TMEM266: variants seen among roughly 807,000 people sequenced by gnomAD.
The protein encoded by TMEM266 is transmembrane protein 266, also known as Hv1 related protein 1.
In TMEM266, 33 loss-of-function variants were observed where a neutral mutation model predicts 50.5. The observed-to-expected ratio is 0.65, with a 90% CI of 0.50 to 0.87. TMEM266 has a LOEUF of 0.87. Among genes scored for constraint, TMEM266 ranks in the 40% least tolerant of loss-of-function variants. The pLI, the probability that TMEM266 is intolerant of heterozygous loss-of-function variation, is 0.00. For synonymous variants in TMEM266, 310 were observed against 292.3 expected (o/e 1.06, Z -0.62); for missense variants, 655 against 695.1 (o/e 0.94, Z 0.65).
chr15:76,198,758 C>T (rs1054963014), intron 9 of TMEM266, among the ~76,000 whole-genome samples: 6 of 145,542 alleles, frequency 4.1e-5, no homozygotes, highest in African/African-American at 1.5e-4. Flanking sequence ...GAAGACAGAA[C>T]CGCAGCCCAA....
chr15:76,096,275 C>T (rs1380847487), intron 1 of TMEM266, among the ~76,000 whole-genome samples: 4 of 152,050 alleles, frequency 2.6e-5, no homozygotes, highest in African/African-American at 9.7e-5. Flanking sequence ...CTGCACAGTG[C>T]TTTAAATGTA....
chr15:76,076,876 A>G (rs111656412), intron 1 of TMEM266, among the ~76,000 whole-genome samples: 2 of 152,212 alleles, frequency 1.3e-5, no homozygotes, highest in Non-Finnish European at 2.9e-5. Context: ...GCCAGAAGTA[A>G]TTCCTTTTCA....
Position 76,192,418 on chromosome 15 carries a change from G to A in TMEM266, c.958+261G>A, listed in dbSNP as rs535006435. The stretch of plus-strand genomic sequence containing the variant: ...TTCATGCCTGTGGCCACTGGCGTGC[G>A]TTGTGTGTGGTGTCTTCCCTGTCCT... On this transcript the variant is annotated intron_variant, in intron 9 of 10. Transcript: ENST00000388942. Among the ~76,000 whole-genome samples, 9 of 152,334 alleles carry A rather than the reference G, an allele frequency of 5.9e-5. No homozygotes were observed. In the South Asian group the frequency reaches 1.9e-3, roughly 32 times the overall value.
At chr15:76,094,053 C>G (rs930626697) in intron 1 of TMEM266, among the ~76,000 whole-genome samples, 1 of 151,992 alleles carries the variant, frequency 6.6e-6, no homozygotes, top group African/African-American at 2.4e-5. Context: ...AATTTTCTCC[C>G]ATTCTGTAGG....
intron 1 of TMEM266, among the ~76,000 whole-genome samples, chr15:76,103,979 G>A (rs1236044588): frequency 1.4e-5 from 2 of 144,764 alleles, no homozygotes; most frequent in African/African-American, 5.0e-5. Flanking sequence ...AGGCCAAGGC[G>A]GGCAGATCAC....
intron 1 of TMEM266, among the ~76,000 whole-genome samples, chr15:76,110,343 G>T (rs2037151948): frequency 6.6e-6 from 1 of 152,180 alleles, no homozygotes; most frequent in African/African-American, 2.4e-5. Flanking sequence ...TCCAACCCAT[G>T]GCCCATGGGC....
At chr15:76,111,870 AG>A (rs1190821860) in intron 1 of TMEM266, 4 of 152,262 alleles carry the variant, frequency 2.6e-5, no homozygotes. Flanking sequence ...AAACACTGGA[AG>A]TAACCAACAT....
intron 1 of TMEM266, among the ~76,000 whole-genome samples, chr15:76,075,881 C>T (rs1297312277): frequency 9.6e-5 from 7 of 72,684 alleles, no homozygotes; most frequent in African/African-American, 1.6e-4. Context: ...TTTTGAGACA[C>T]GGGCTTTTTT....
rs887609530 is a variant in TMEM266, at chr15:76,204,433, G to T, written c.*118G>T. 3.4e-5 allele frequency: 34 copies of T among 995,222 alleles called. No homozygotes were observed. The Admixed American group carries it at 5.7e-4, about 17-fold the overall frequency. 61.6% of individuals were successfully genotyped at this position (995,222 alleles called of 1,614,324 possible). The stretch of plus-strand genomic sequence containing the variant: ...AGGAGCCCACCTGGCCTCCCTCAGG[G>T]TGCTGCCTGCCTCCAGGGAGGCGAC... On this transcript the variant is annotated 3_prime_UTR_variant, in exon 11 of 11. Transcript: ENST00000388942.
chr15:76,091,013 A>G (rs1392493247), intron 1 of TMEM266, among the ~76,000 whole-genome samples: 1 of 152,208 alleles, frequency 6.6e-6, no homozygotes, highest in East Asian at 1.9e-4. Context: ...GTATCAAAAT[A>G]TCACTGTGTA....
chr15:76,198,589 G>T (rs1354301185), intron 9 of TMEM266, among the ~76,000 whole-genome samples: 1 of 152,244 alleles, frequency 6.6e-6, no homozygotes, highest in Non-Finnish European at 1.5e-5. Context: ...TGGAGTAGGG[G>T]TGGAGGCTGG....
Position 76,139,518 on chromosome 15 carries a change from G to T in TMEM266, c.227+1623G>T, listed in dbSNP as rs898988542. On this transcript the variant is annotated intron_variant, in intron 3 of 10. Coordinates refer to ENST00000388942, the MANE Select transcript of TMEM266 (RefSeq NM_152335.3). This position sits in a 1 kb window ranked among gnomAD's most constrained non-coding sequence, Gnocchi z 4.1. ...GACCTGTGCGGTAGCGCAGAGCCCC[G>T]TACTTAGAAGGGTCCCAACACTTGG... Among the ~76,000 whole-genome samples, 1 of 152,152 alleles carries T rather than the reference G, an allele frequency of 6.6e-6. No homozygotes were observed. Among genetic ancestry groups the T allele is most frequent in the Non-Finnish European group, 1.5e-5 (1 of 68,030 alleles).
intron 7 of TMEM266, among the ~76,000 whole-genome samples, chr15:76,173,698 T>G (rs1336110821): frequency 6.6e-6 from 1 of 152,078 alleles, no homozygotes; most frequent in Non-Finnish European, 1.5e-5. Context: ...TTTGGGAGGC[T>G]GAGGCAGGCA....
intron 1 of TMEM266, among the ~76,000 whole-genome samples, chr15:76,133,086 A>G (rs1260933227): frequency 2.6e-5 from 4 of 151,650 alleles, no homozygotes; most frequent in African/African-American, 9.7e-5. Context: ...CCAAGATCGC[A>G]CCACTGTGCT....
At chr15:76,145,205 TC>T (rs2037739637) in intron 3 of TMEM266, among the ~76,000 whole-genome samples, 1 of 152,202 alleles carries the variant, frequency 6.6e-6, no homozygotes, top group South Asian at 2.1e-4. Context: ...TCCCATGGCT[TC>T]TGAGAGCCAT....
intron 9 of TMEM266, among the ~76,000 whole-genome samples, chr15:76,192,856 T>G (rs1194036583): frequency 2.0e-5 from 3 of 152,226 alleles, no homozygotes; most frequent in Non-Finnish European, 2.9e-5. Flanking sequence ...ACAGGGCTGC[T>G]GCGAGGCTCA....
chr15:76,097,498 G>C (rs928208743), intron 1 of TMEM266, among the ~76,000 whole-genome samples: 2 of 151,928 alleles, frequency 1.3e-5, no homozygotes, highest in African/African-American at 4.8e-5. Flanking sequence ...TCCCTTTGTG[G>C]GTAACCCGAC....
intron 1 of TMEM266, among the ~76,000 whole-genome samples, chr15:76,097,680 A>G (rs1015606153): frequency 2.0e-5 from 3 of 151,954 alleles, no homozygotes; most frequent in Admixed American, 2.0e-4. Context: ...CAACCTAGAT[A>G]ATATCCTGAA....
At chr15:76,069,140 A>G (rs2036493601) in intron 1 of TMEM266, among the ~76,000 whole-genome samples, 1 of 152,196 alleles carries the variant, frequency 6.6e-6, no homozygotes, top group Admixed American at 6.5e-5. Flanking sequence ...CAAACTACAA[A>G]ATATTGTACG....
Sources: allele counts gnomAD v4.1 joint callset (sites outside exome capture counted in the v4.1 genomes callset), GRCh38; gene constraint gnomAD v4.1.1; non-coding constraint Gnocchi (gnomAD v3.1); transcripts MANE v1.5; gene names NCBI Gene and HGNC (gene_info 2026-07-23, HGNC 2026-07-21).